Variants in ADGRL2 observed in about 807,000 individuals in gnomAD.
ADGRL2 encodes calcium-independent alpha-latrotoxin receptor 2.
In ADGRL2, 44 loss-of-function variants were observed where a neutral mutation model predicts 157.4. The observed-to-expected ratio is 0.28, with a 90% CI of 0.22 to 0.36. The LOEUF (loss-of-function observed/expected upper bound fraction) is 0.36. ADGRL2 is among the 10% of genes least tolerant of loss of function. The pLI is 1.00. For missense variants in ADGRL2, 1,510 were observed against 1,768.9 expected (o/e 0.85, Z 2.63); for synonymous variants, 585 against 624.7 (o/e 0.94, Z 0.95).
At chr1:81,955,667 A>C in intron 10 of ADGRL2, 1 of 397,292 alleles carries the variant, frequency 2.5e-6, no homozygotes. Flanking sequence ...ATCAAATAGC[A>C]GTCTGTTAAT....
chr1:81,586,736 A>G lies in ADGRL2; in HGVS notation c.-143+5756A>G, dbSNP rs60583283. 4.3e-3 allele frequency among the ~76,000 whole-genome samples: 658 copies of G among 152,200 alleles called. 5 individuals are homozygous for G. Among genetic ancestry groups the G allele is most frequent in the African/African-American group, 0.014 (574 of 41,542 alleles). On this transcript the variant is annotated intron_variant, in intron 3 of 24. Transcript: ENST00000370721. Reference sequence around the variant, plus strand: ...CAGAGTGAGTACAGCACAGAGAGGAAGTTATGAAGGAGGTGGGGATTTATT... The same window carrying G: ...CAGAGTGAGTACAGCACAGAGAGGAGGTTATGAAGGAGGTGGGGATTTATT...
In ADGRL2 at chr1:81,800,989, C is replaced by T. The variant is rs2087987279; in HGVS notation, c.-180C>T. 6.7e-6 allele frequency among the ~76,000 whole-genome samples: 1 copy of T among 150,172 alleles called. No homozygotes were observed. Among genetic ancestry groups the T allele is most frequent in the African/African-American group, 2.4e-5 (1 of 41,218 alleles). ...GCCGCCCGGACAGCCCTGCGGCCGC[C>T]CCGCCGGCGGAGCCGGGGCCGGCCT... On this transcript the variant is annotated 5_prime_UTR_variant, in exon 1 of 24. Coordinates refer to ENST00000686636, the MANE Select transcript of ADGRL2 (RefSeq NM_001366006.2).
At chr1:81,542,754 A>G (rs2079915900) in intron 2 of ADGRL2, among the ~76,000 whole-genome samples, 2 of 152,322 alleles carry the variant, frequency 1.3e-5, no homozygotes, top group African/African-American at 2.4e-5. Flanking sequence ...TAACCAGATA[A>G]GAGTACTTCA....
intron 3 of ADGRL2, among the ~76,000 whole-genome samples, chr1:81,640,805 AG>A (rs1297643281): frequency 5.3e-5 from 8 of 152,186 alleles, no homozygotes; most frequent in Admixed American, 3.3e-4. Flanking sequence ...TCCAAAAATC[AG>A]GAACTAGAGA....
intron 2 of ADGRL2, among the ~76,000 whole-genome samples, chr1:81,468,842 A>G (rs2078112920): frequency 6.6e-6 from 1 of 152,160 alleles, no homozygotes; most frequent in Non-Finnish European, 1.5e-5. Context: ...CAGTATGTTA[A>G]TATACTGAGA....
intron 2 of ADGRL2, among the ~76,000 whole-genome samples, chr1:81,531,872 A>T (rs1299529264): frequency 6.6e-6 from 1 of 152,176 alleles, no homozygotes; most frequent in Non-Finnish European, 1.5e-5. Flanking sequence ...TAAATTTCTT[A>T]AATTTTTATA....
chr1:81,574,325 G>A (rs1029476252), intron 2 of ADGRL2, among the ~76,000 whole-genome samples: 2 of 152,060 alleles, frequency 1.3e-5, no homozygotes, highest in African/African-American at 2.4e-5. Context: ...CCTGCTTTCC[G>A]GAAATTAAAA....
At chr1:81,671,537 G>T (rs2082874969) in intron 3 of ADGRL2, among the ~76,000 whole-genome samples, 1 of 150,442 alleles carries the variant, frequency 6.6e-6, no homozygotes, top group Admixed American at 6.6e-5. Context: ...TTTTTAAACA[G>T]AGTTTTGCCC....
At chr1:81,807,762 T>A (rs1205777118) in intron 1 of ADGRL2, among the ~76,000 whole-genome samples, 2 of 151,826 alleles carry the variant, frequency 1.3e-5, no homozygotes, top group African/African-American at 4.8e-5. Context: ...ATTTTCTTAA[T>A]GTTTTGATTG....
chr1:81,973,102 C>G (rs1572451949), intron 17 of ADGRL2, among the ~76,000 whole-genome samples: 2 of 151,806 alleles, frequency 1.3e-5, no homozygotes, highest in East Asian at 3.9e-4. Context: ...AGAAAAACTT[C>G]TAGTACTTGA....
intron 2 of ADGRL2, among the ~76,000 whole-genome samples, chr1:81,523,302 A>G (rs1397670219): frequency 6.6e-6 from 1 of 152,162 alleles, no homozygotes; most frequent in Non-Finnish European, 1.5e-5. Flanking sequence ...AAAATAAACA[A>G]TCAAATAGAG....
chr1:81,837,099 C>A, intron 2 of ADGRL2, 42 bp downstream of exon 2: 1 of 1,141,900 alleles, frequency 8.8e-7, no homozygotes, highest in Non-Finnish European at 1.3e-6. Context: ...TCCAGGAGAA[C>A]TTGAACTATA....
At chr1:81,308,654 T>C (rs1484866322) in intron 1 of ADGRL2, among the ~76,000 whole-genome samples, 2 of 152,206 alleles carry the variant, frequency 1.3e-5, no homozygotes, top group Non-Finnish European at 2.9e-5. Flanking sequence ...GCACTCCCCA[T>C]GGAATGTCAC....
At chr1:81,524,126 C>T (rs577289054) in intron 2 of ADGRL2, among the ~76,000 whole-genome samples, 11 of 151,976 alleles carry the variant, frequency 7.2e-5, no homozygotes, top group East Asian at 3.9e-4. Flanking sequence ...TTTGGGAGGC[C>T]GAGGCGGTTG....
chr1:81,636,818 A>G (rs1249961785), intron 3 of ADGRL2, among the ~76,000 whole-genome samples: 5 of 152,050 alleles, frequency 3.3e-5, no homozygotes, highest in Non-Finnish European at 5.9e-5. Context: ...AATTTATTTG[A>G]CCCTGTAATC....
intron 2 of ADGRL2, among the ~76,000 whole-genome samples, chr1:81,882,839 A>G (rs2094023067): frequency 6.6e-6 from 1 of 152,162 alleles, no homozygotes; most frequent in Admixed American, 6.5e-5. Flanking sequence ...TTTGTCACGT[A>G]TATGTTTGAA....
intron 2 of ADGRL2, among the ~76,000 whole-genome samples, chr1:81,490,986 G>A (rs1182346031): frequency 6.6e-6 from 1 of 152,140 alleles, no homozygotes; most frequent in Non-Finnish European, 1.5e-5. Context: ...ATGAGAATCT[G>A]ACCTGTACTT....
upstream of ADGRL2, among the ~76,000 whole-genome samples, chr1:81,697,809 CACTA>C (rs1468266672): frequency 2.0e-5 from 3 of 152,276 alleles, no homozygotes; most frequent in East Asian, 5.8e-4. Flanking sequence ...AAAGTTCAAG[CACTA>C]AGAATAATAA....
chr1:81,725,021 T>C (rs1337612664), intron 1 of ADGRL2, among the ~76,000 whole-genome samples: 2 of 150,850 alleles, frequency 1.3e-5, no homozygotes, highest in African/African-American at 2.4e-5. Context: ...CTGGCCAACA[T>C]AGTGAAACCC....
Sources: gnomAD v4.1 joint callset for allele counts (sites outside exome capture counted in the v4.1 genomes callset) on GRCh38, gnomAD v4.1.1 for gene constraint, MANE v1.5 for transcripts, NCBI Gene and HGNC (gene_info 2026-07-23, HGNC 2026-07-21) for gene names.